Variants in SHROOM3 observed in about 807,000 individuals in gnomAD.
SHROOM3 encodes the protein protein Shroom3.
SHROOM3 carries 47 observed loss-of-function variants against 138.6 expected under a neutral mutation model. The ratio of observed to expected loss-of-function variants is 0.34; its 90% CI spans 0.27 to 0.43. SHROOM3 has a LOEUF of 0.43. SHROOM3 is among the 20% of genes least tolerant of loss of function. The probability of loss-of-function intolerance (pLI) is 1.00; values close to 1 mark genes in which losing one functional copy is unlikely to be tolerated. For missense variants in SHROOM3, 2,491 were observed against 2,596.5 expected, an observed-to-expected ratio of 0.96 and a Z score of 0.88; for synonymous variants, 1,062 against 1,063.3, an observed-to-expected ratio of 1.00 and a Z score of 0.02.
chr4:76,632,346 C>G (rs1180505486), intron 2 of SHROOM3, among the ~76,000 whole-genome samples: 1 of 152,102 alleles, frequency 6.6e-6, no homozygotes, highest in African/African-American at 2.4e-5. Flanking sequence ...ACATATCAAC[C>G]TCATGAGGAG....
chr4:76,689,711 G>A lies in SHROOM3; in HGVS notation c.324-20445G>A, dbSNP rs988758504. On this transcript the variant is annotated intron_variant, in intron 2 of 10. Transcript: ENST00000296043. ...CGAGGCGAGCGGCGATGGTGAGTGA[G>A]GAGGGCGGCTGGGCACGGAGAGGGA... 1.5e-4 allele frequency: 152 copies of A among 985,692 alleles called. No individual in the cohort carries two copies. The African/African-American group carries it at 2.5e-3, about 16-fold the overall frequency. The allele number at this position is 985,692 out of a possible 1,614,324, so 61.1% of individuals were successfully genotyped here.
intron 2 of SHROOM3, among the ~76,000 whole-genome samples, chr4:76,563,577 G>A (rs942409765): frequency 2.6e-5 from 4 of 152,138 alleles, no homozygotes; most frequent in Admixed American, 2.6e-4. Context: ...GGTTATATAG[G>A]CACATGTGAC....
rs79108628 is a variant in SHROOM3 at position 76,569,811 on chromosome 4, G to T, written c.323+14048G>T. 3.3e-3 allele frequency among the ~76,000 whole-genome samples: 508 copies of T among 151,830 alleles called. 2 individuals carry two copies. The highest frequency in any genetic ancestry group is 0.012 in the African/African-American group (484 of 41,366). On this transcript the variant is annotated intron_variant, in intron 2 of 10. Transcript: ENST00000296043. ...ACCTCTTCCTACATAAGACTGTCTT[G>T]AGGGAAGCCTGCCTTTTAACAGATG... is the stretch of plus-strand genomic sequence containing the variant.
chr4:76,709,835 G>A, intron 2 of SHROOM3: 1 of 297,896 alleles, frequency 3.4e-6, no homozygotes, highest in South Asian at 3.2e-5. Flanking sequence ...CCAAATTACA[G>A]GGGAGTTTGT....
At position 76,756,802 on chromosome 4, in the gene SHROOM3, C is replaced by T; in HGVS notation, c.5063C>T (p.Pro1688Leu). 1 of 1,614,080 alleles carries T rather than the reference C, an allele frequency of 6.2e-7. No individual in the cohort carries two copies. The change falls in exon 8 of 11, where the codon CCA becomes CTA. Residue 1688 changes from proline to leucine, a missense_variant. Pro to Leu is a moderately conservative substitution (Grantham distance 98, BLOSUM62 -3). Transcript: ENST00000296043. ...AAATCTCTAGCAGACATTTTGGATC[C>T]AGACTCCAGGCTGAAGACAACAATG... Reference protein sequence around the residue: ...QDKSLADILDPDSRLKTTMDL... With the variant: ...QDKSLADILDLDSRLKTTMDL...
chr4:76,616,875 A>C (rs1734894196), intron 2 of SHROOM3, among the ~76,000 whole-genome samples: 1 of 152,252 alleles, frequency 6.6e-6, no homozygotes, highest in African/African-American at 2.4e-5. Context: ...AAATAACAAT[A>C]ATTGGTCTAC....
At chr4:76,688,196 T>G (rs2110106342) in intron 2 of SHROOM3, among the ~76,000 whole-genome samples, 1 of 152,348 alleles carries the variant, frequency 6.6e-6, no homozygotes, top group South Asian at 2.1e-4. Context: ...TGTGTATGTG[T>G]TGATACCTGC....
intron 2 of SHROOM3, among the ~76,000 whole-genome samples, chr4:76,657,547 T>C (rs1439879516): frequency 6.6e-6 from 1 of 152,220 alleles, no homozygotes; most frequent in Non-Finnish European, 1.5e-5. Flanking sequence ...GAATATCTGT[T>C]ACTCATTTAT....
chr4:76,498,104 C>T (rs747497067), intron 1 of SHROOM3, among the ~76,000 whole-genome samples: 62 of 152,266 alleles, frequency 4.1e-4, no homozygotes, highest in Middle Eastern at 3.4e-3. Flanking sequence ...TCTAGTCATA[C>T]AAAGTTGTAT....
intron 1 of SHROOM3, among the ~76,000 whole-genome samples, chr4:76,443,756 C>A (rs1019386661): frequency 3.3e-5 from 5 of 152,210 alleles, no homozygotes; most frequent in African/African-American, 1.2e-4. Flanking sequence ...GGAAGTGATT[C>A]TTTTCTGCCT....
intron 2 of SHROOM3, among the ~76,000 whole-genome samples, chr4:76,594,430 G>A (rs1402235386): frequency 1.3e-5 from 2 of 152,144 alleles, no homozygotes. Flanking sequence ...ATAAACAATA[G>A]TAAGGCCATA....
At chr4:76,568,991 A>C (rs11942966) in intron 2 of SHROOM3, among the ~76,000 whole-genome samples, 116,613 of 152,148 alleles carry the variant, frequency 0.77, 44,928 homozygotes, top group Middle Eastern at 0.86. Context: ...GTGTATAGAA[A>C]AAAAACTCAG....
intron 1 of SHROOM3, among the ~76,000 whole-genome samples, chr4:76,449,821 A>G (rs1730887216): frequency 6.6e-6 from 1 of 152,240 alleles, no homozygotes; most frequent in Admixed American, 6.5e-5. Flanking sequence ...ATATTTGAAT[A>G]TAATAATGTG....
intron 9 of SHROOM3, among the ~76,000 whole-genome samples, chr4:76,764,804 A>G (rs185779879): frequency 1.3e-5 from 2 of 152,090 alleles, no homozygotes; most frequent in Admixed American, 1.3e-4. Context: ...TATGATTTGG[A>G]TGGACTTAGT....
intron 2 of SHROOM3, among the ~76,000 whole-genome samples, chr4:76,599,043 G>T (rs565693712): frequency 7.2e-5 from 11 of 152,254 alleles, no homozygotes; most frequent in Admixed American, 7.2e-4. Context: ...GGTAGACTTG[G>T]TGACGGGCTG....
At chr4:76,649,242 A>G (rs965843162) in intron 2 of SHROOM3, among the ~76,000 whole-genome samples, 2 of 152,236 alleles carry the variant, frequency 1.3e-5, no homozygotes, top group African/African-American at 4.8e-5. Context: ...TTCCTGGCCA[A>G]TTAAAAGGTG....
At chr4:76,571,532 A>G (rs1733832615) in intron 2 of SHROOM3, among the ~76,000 whole-genome samples, 1 of 152,262 alleles carries the variant, frequency 6.6e-6, no homozygotes, top group South Asian at 2.1e-4. Context: ...TTTACATGCC[A>G]ATAAAAATAG....
At chr4:76,470,673 T>C (rs1004140448) in intron 1 of SHROOM3, among the ~76,000 whole-genome samples, 1 of 152,174 alleles carries the variant, frequency 6.6e-6, no homozygotes, top group Non-Finnish European at 1.5e-5. Flanking sequence ...TACCTTCAAC[T>C]GCTAATGAAG....
chr4:76,766,578 G>A (rs1036197456), intron 9 of SHROOM3, among the ~76,000 whole-genome samples: 1 of 152,234 alleles, frequency 6.6e-6, no homozygotes, highest in Non-Finnish European at 1.5e-5. Context: ...AGAGACTAGT[G>A]TGTTATTTAA....
Sources: allele counts gnomAD v4.1 joint callset (sites outside exome capture counted in the v4.1 genomes callset), GRCh38; gene constraint gnomAD v4.1.1; transcripts MANE v1.5; gene names NCBI Gene and HGNC (gene_info 2026-07-23, HGNC 2026-07-21).